The following ROBO2 variants were observed in gnomAD, a reference collection of about 807,000 sequenced individuals.
ROBO2 encodes roundabout homolog 2.
In ROBO2, 53 loss-of-function variants were observed where a neutral mutation model predicts 160.8. That is an observed-to-expected ratio of 0.33 (90% CI 0.26 to 0.41). ROBO2 has a LOEUF of 0.41. ROBO2 is among the 10% of genes least tolerant of loss of function. The pLI is 1.00. For synonymous variants in ROBO2, 664 were observed against 611.7 expected (o/e 1.09, Z -1.26); for missense variants, 1,577 against 1,722.4 (o/e 0.92, Z 1.49).
intron 2 of ROBO2, among the ~76,000 whole-genome samples, chr3:76,333,964 G>A (rs2073685221): frequency 6.6e-6 from 1 of 152,134 alleles, no homozygotes; most frequent in Admixed American, 6.5e-5. Flanking sequence ...GACACGGGAT[G>A]GGGAACATCA....
intron 2 of ROBO2, among the ~76,000 whole-genome samples, chr3:77,174,188 A>G (rs2079910778): frequency 6.6e-6 from 1 of 152,086 alleles, no homozygotes; most frequent in Non-Finnish European, 1.5e-5. Context: ...ACATTAACTG[A>G]GTCCTGGGTG....
intron 2 of ROBO2, among the ~76,000 whole-genome samples, chr3:76,526,334 C>A (rs1403862916): frequency 6.6e-6 from 1 of 151,904 alleles, no homozygotes; most frequent in Non-Finnish European, 1.5e-5. Flanking sequence ...TGATTGACAC[C>A]CCTTTAATTA....
intron 23 of ROBO2, among the ~76,000 whole-genome samples, chr3:77,626,323 A>C (rs2095025626): frequency 6.6e-6 from 1 of 152,130 alleles, no homozygotes; most frequent in Non-Finnish European, 1.5e-5. Flanking sequence ...TTCTATGTTT[A>C]TTTAAAGTGA....
chr3:76,374,486 G>A (rs1261207305), intron 2 of ROBO2, among the ~76,000 whole-genome samples: 1 of 151,868 alleles, frequency 6.6e-6, no homozygotes, highest in African/African-American at 2.4e-5. Flanking sequence ...AAATAGCCGT[G>A]TTCTCTAAAC....
At chr3:76,934,210 GAA>G (rs10687758) in intron 2 of ROBO2, among the ~76,000 whole-genome samples, 1 of 142,562 alleles carries the variant, frequency 7.0e-6, no homozygotes, top group African/African-American at 2.5e-5. Context: ...ATCGAAAATA[GAA>G]AAAAAAAAAA....
At chr3:77,286,936 C>G (rs1379111831) in intron 2 of ROBO2, among the ~76,000 whole-genome samples, 1 of 152,172 alleles carries the variant, frequency 6.6e-6, no homozygotes, top group Non-Finnish European at 1.5e-5. Flanking sequence ...TGGTTTCACT[C>G]CTGACTCCTT....
At chr3:77,106,686 T>G (rs2072853402) in intron 2 of ROBO2, among the ~76,000 whole-genome samples, 1 of 152,228 alleles carries the variant, frequency 6.6e-6, no homozygotes, top group South Asian at 2.1e-4. Flanking sequence ...ATTTAGCTGC[T>G]AAGGGATGAG....
At chr3:76,436,420 A>T (rs1390567112) in intron 2 of ROBO2, among the ~76,000 whole-genome samples, 1 of 152,168 alleles carries the variant, frequency 6.6e-6, no homozygotes, top group East Asian at 1.9e-4. Context: ...CTTCTGTCCA[A>T]GCACCTGAAC....
chr3:77,264,588 C>G (rs147667549), intron 2 of ROBO2, among the ~76,000 whole-genome samples: 2 of 152,082 alleles, frequency 1.3e-5, no homozygotes, highest in East Asian at 3.9e-4. Context: ...AGAGAAATAT[C>G]CTTTAGTTTG....
chr3:77,257,850 A>G (rs1458687909), intron 2 of ROBO2, among the ~76,000 whole-genome samples: 2 of 152,242 alleles, frequency 1.3e-5, no homozygotes, highest in Non-Finnish European at 2.9e-5. Flanking sequence ...ATACTGAGAA[A>G]AAATAATGTG....
At chr3:77,403,043 G>A (rs759852212) in intron 2 of ROBO2, among the ~76,000 whole-genome samples, 3 of 151,992 alleles carry the variant, frequency 2.0e-5, no homozygotes, top group Non-Finnish European at 4.4e-5. Context: ...TCCACCACCA[G>A]GAACAGAATT....
chr3:76,424,364 T>C (rs2108956088), intron 2 of ROBO2, among the ~76,000 whole-genome samples: 1 of 152,314 alleles, frequency 6.6e-6, no homozygotes, highest in African/African-American at 2.4e-5. Flanking sequence ...CCTACAATTG[T>C]ATTTAGTATA....
intron 2 of ROBO2, among the ~76,000 whole-genome samples, chr3:76,357,751 G>A (rs781198682): frequency 6.6e-6 from 1 of 151,782 alleles, no homozygotes; most frequent in African/African-American, 2.4e-5. Context: ...TTAGTAAGTT[G>A]CAGGATAAAC....
At chr3:76,927,800 G>C (rs916149366) in intron 2 of ROBO2, among the ~76,000 whole-genome samples, 1 of 152,090 alleles carries the variant, frequency 6.6e-6, no homozygotes, top group Admixed American at 6.6e-5. Context: ...TGAGTGCATG[G>C]TCATTCAGTA....
chr3:76,759,888 T>C (rs1409001946), intron 2 of ROBO2, among the ~76,000 whole-genome samples: 2 of 151,794 alleles, frequency 1.3e-5, no homozygotes, highest in African/African-American at 2.4e-5. Context: ...TTCTCTTCAC[T>C]TAGGCCCTGG....
chr3:77,267,191 T>A (rs2059179195), intron 2 of ROBO2, among the ~76,000 whole-genome samples: 1 of 152,156 alleles, frequency 6.6e-6, no homozygotes, highest in South Asian at 2.1e-4. Flanking sequence ...TTGTATGCTG[T>A]TTCAAACATG....
At chr3:77,219,426 A>ATGTG (rs201692984) in intron 2 of ROBO2, among the ~76,000 whole-genome samples, 11 of 98,492 alleles carry the variant, frequency 1.1e-4, no homozygotes, top group Non-Finnish European at 1.8e-4. Flanking sequence ...GACTGTGTGT[A>ATGTG]TGTGTGTGTA....
chr3:77,293,113 G>A (rs2061520341), intron 2 of ROBO2, among the ~76,000 whole-genome samples: 1 of 150,888 alleles, frequency 6.6e-6, no homozygotes, highest in Non-Finnish European at 1.5e-5. Context: ...CGGGTAAGCT[G>A]AGGCTAGATC....
intron 2 of ROBO2, among the ~76,000 whole-genome samples, chr3:77,273,988 GT>G (rs11371495): frequency 4.7e-5 from 7 of 150,520 alleles, no homozygotes; most frequent in African/African-American, 7.3e-5. Flanking sequence ...ACTTTTTCCT[GT>G]TTTTTTTTCC....
Sources: gnomAD v4.1 joint callset for allele counts (sites outside exome capture counted in the v4.1 genomes callset) on GRCh38, gnomAD v4.1.1 for gene constraint, MANE v1.5 for transcripts, NCBI Gene and HGNC (gene_info 2026-07-23, HGNC 2026-07-21) for gene names.